ERICH5: variants seen among roughly 807,000 people sequenced by gnomAD.
The protein encoded by ERICH5 is glutamate-rich protein 5.
Under a neutral mutation model 28.0 loss-of-function variants are expected in ERICH5, and 24 were observed. That is an observed-to-expected ratio of 0.86 (90% confidence interval 0.62 to 1.21). The LOEUF (loss-of-function observed/expected upper bound fraction) is 1.21, where lower values mean the gene tolerates loss of function less well. Ranked by LOEUF, ERICH5 falls within the 50% of genes most tolerant of loss-of-function variation. ERICH5 has a pLI of 0.00. For missense variants in ERICH5, 421 were observed against 441.2 expected, an observed-to-expected ratio of 0.95 and a Z score of 0.41; for synonymous variants, 163 against 157.6, an observed-to-expected ratio of 1.03 and a Z score of -0.25.
intron 1 of ERICH5, among the ~76,000 whole-genome samples, chr8:98,070,678 A>AG (rs1301310727): frequency 1.4e-5 from 2 of 142,898 alleles, no homozygotes; most frequent in East Asian, 2.0e-4. Context: ...AAAAAAAAAA[A>AG]AAAAGAAAAG....
rs1412455600 is a variant in ERICH5 at position 98,092,026 on chromosome 8, T to TTCCTTCCTTCCTTCCTTCCTTCCTTC, written c.1013-1195_1013-1194insTCCTTCCTTCCTTCCTTCCTTCCTTC. ...TCCTTCCTTCCTTCCTTCCTTCCTTTCGAGACAAGATCTTCAAGCTGGAGT... is the reference window on the plus strand; with the variant it reads ...TCCTTCCTTCCTTCCTTCCTTCCTTTTCCTTCCTTCCTTCCTTCCTTCCTTCCGAGACAAGATCTTCAAGCTGGAGT... On this transcript the variant is annotated intron_variant, in intron 2 of 2. Coordinates refer to ENST00000318528, the MANE Select transcript of ERICH5 (RefSeq NM_173549.3). Among the ~76,000 whole-genome samples the TTCCTTCCTTCCTTCCTTCCTTCCTTC allele has an allele frequency of 7.0e-3, 65 of 9,270 alleles. 2 individuals are homozygous for TTCCTTCCTTCCTTCCTTCCTTCCTTC. Among genetic ancestry groups the TTCCTTCCTTCCTTCCTTCCTTCCTTC allele is most frequent in the Non-Finnish European group, 0.013 (49 of 3,704 alleles). 6.1% of individuals were successfully genotyped at this position (9,270 alleles called of 152,430 possible). A position where few individuals can be genotyped will look rare whatever the true frequency, so the allele number is the denominator to read the frequency against.
chr8:98,069,173 C>A lies in ERICH5; in HGVS notation c.58+4446C>A, dbSNP rs927890609. The stretch of plus-strand genomic sequence containing the variant: ...TGTGTGCCTTGTGTCATTTCTGGAG[C>A]CTGGCACTTAAATAGCATTTGGTAT... On this transcript the variant is annotated intron_variant, in intron 1 of 2. Transcript: ENST00000318528. Among the ~76,000 whole-genome samples, 6 of 151,988 alleles carry A rather than the reference C, an allele frequency of 3.9e-5. No homozygotes were observed. The East Asian group carries it at 7.7e-4, about 19-fold the overall frequency.
intron 1 of ERICH5, among the ~76,000 whole-genome samples, chr8:98,080,966 G>A (rs747272579): frequency 6.6e-6 from 1 of 152,064 alleles, no homozygotes; most frequent in Non-Finnish European, 1.5e-5. Flanking sequence ...GCCTCCCAAA[G>A]TGCTGGGATT....
intron 1 of ERICH5, among the ~76,000 whole-genome samples, chr8:98,082,491 C>CAA (rs574154611): frequency 7.8e-4 from 119 of 152,014 alleles, no homozygotes; most frequent in Non-Finnish European, 1.3e-3. Context: ...CCTAAAAATA[C>CAA]AAAATTAGCC....
Position 98,070,767 on chromosome 8 carries a change from T to G in ERICH5, c.58+6040T>G, listed in dbSNP as rs375192322. Among the ~76,000 whole-genome samples, 20 of 143,490 alleles carry G rather than the reference T, an allele frequency of 1.4e-4. 1 individual carries two copies. The highest frequency in any genetic ancestry group is 1.2e-3 in the East Asian group (6 of 4,866). The allele number at this position is 143,490 out of a possible 152,430, so 94.1% of individuals were successfully genotyped here. On this transcript the variant is annotated intron_variant, in intron 1 of 2. Coordinates refer to ENST00000318528, the MANE Select transcript of ERICH5 (RefSeq NM_173549.3). ...TTGAGTAGATGGATGGGTGAATGGG[T>G]GATTGACAGAGACGGGGATTCAGGG...
At chr8:98,091,413 G>A (rs977325008) in intron 2 of ERICH5, among the ~76,000 whole-genome samples, 1 of 152,196 alleles carries the variant, frequency 6.6e-6, no homozygotes, top group Non-Finnish European at 1.5e-5. Context: ...CTAAGAATGT[G>A]TAAGAAGGGC....
Position 98,089,394 on chromosome 8 carries a change from C to G in ERICH5, c.377C>G (p.Ala126Gly), listed in dbSNP as rs1202204705. Reference sequence around the variant, plus strand: ...CCAGGTGGCAAAGAGGATGCCCCAGCAGCAGAAGGAAAGAAGAAAGATGCA... The same window carrying G: ...CCAGGTGGCAAAGAGGATGCCCCAGGAGCAGAAGGAAAGAAGAAAGATGCA... Reference protein sequence around the residue: ...PQPGGKEDAPAAEGKKKDAGA... With the variant: ...PQPGGKEDAPGAEGKKKDAGA... Residue 126 changes from alanine to glycine, a missense_variant, in exon 2 of 3, where the codon GCA (alanine) becomes GGA (glycine). Coordinates refer to ENST00000318528, the MANE Select transcript of ERICH5 (RefSeq NM_173549.3). The G allele has an allele frequency of 1.2e-6, 2 of 1,614,106 alleles. No individual in the cohort carries two copies. Among genetic ancestry groups the G allele is most frequent in the African/African-American group, 1.3e-5 (1 of 74,942 alleles).
chr8:98,092,775 TC>T, intron 2 of ERICH5, among the ~76,000 whole-genome samples: 2 of 151,122 alleles, frequency 1.3e-5, no homozygotes, highest in Admixed American at 1.3e-4. Context: ...ACTTTTCTTT[TC>T]CTTTTTTTTT....
intron 1 of ERICH5, among the ~76,000 whole-genome samples, chr8:98,077,653 C>T (rs1270500600): frequency 6.6e-6 from 1 of 152,240 alleles, no homozygotes; most frequent in Non-Finnish European, 1.5e-5. Context: ...CAGGCGTCCA[C>T]ATCTCCATGT....
intron 1 of ERICH5, among the ~76,000 whole-genome samples, chr8:98,088,613 T>C (rs976827413): frequency 2.0e-5 from 3 of 152,156 alleles, no homozygotes; most frequent in Non-Finnish European, 4.4e-5. Context: ...AAGTAAGACC[T>C]CTCTAGCAGC....
chr8:98,085,543 G>A (rs1406872943), intron 1 of ERICH5, among the ~76,000 whole-genome samples: 1 of 147,948 alleles, frequency 6.8e-6, no homozygotes, highest in Admixed American at 7.0e-5. Context: ...AAATAAAGAT[G>A]CTATGAACAT....
chr8:98,093,264 A>C lies in ERICH5; in HGVS notation c.1056A>C (p.Lys352Asn), dbSNP rs1294432749. 3 of 1,614,036 alleles carry C rather than the reference A, an allele frequency of 1.9e-6. No individual in the cohort carries two copies. Among genetic ancestry groups the C allele is most frequent in the Non-Finnish European group, 2.5e-6 (3 of 1,179,948 alleles). ...EKVETDMENE[K>N]VSEGAETKEE... is the part of the protein sequence containing the mutation. The stretch of plus-strand genomic sequence containing the variant: ...TGGAAACAGACATGGAGAATGAGAA[A>C]GTGAGTGAAGGGGCTGAAACCAAAG... Residue 352 changes from lysine to asparagine, a missense_variant, in exon 3 of 3, where the codon AAA becomes AAC. Transcript: ENST00000318528.
chr8:98,081,243 C>G (rs563273636), intron 1 of ERICH5, among the ~76,000 whole-genome samples: 2 of 151,906 alleles, frequency 1.3e-5, no homozygotes, highest in East Asian at 3.9e-4. Context: ...GTAGCTGGAA[C>G]TACAGGCCTG....
intron 1 of ERICH5, among the ~76,000 whole-genome samples, chr8:98,074,850 A>G (rs1815020189): frequency 2.0e-5 from 3 of 152,172 alleles, no homozygotes; most frequent in Admixed American, 2.0e-4. Flanking sequence ...TCCATGCTTT[A>G]GTCAGATGTT....
intron 2 of ERICH5, 51 bp downstream of exon 2, chr8:98,090,080 C>A: frequency 7.2e-7 from 1 of 1,380,322 alleles, no homozygotes; most frequent in Non-Finnish European, 1.0e-6. Context: ...CCATAGGAGA[C>A]CAGCTCTGGG....
At chr8:98,090,730 A>G (rs1040024467) in intron 2 of ERICH5, among the ~76,000 whole-genome samples, 1 of 152,286 alleles carries the variant, frequency 6.6e-6, no homozygotes, top group Non-Finnish European at 1.5e-5. Context: ...ATGGTGTTTT[A>G]AAATTTTAAC....
Position 98,089,854 on chromosome 8 carries a change from G to A in ERICH5, c.837G>A (p.Lys279=). 6.2e-7 allele frequency: 1 copy of A among 1,614,190 alleles called. No homozygotes were observed. The highest frequency in any genetic ancestry group is 8.5e-7 in the Non-Finnish European group (1 of 1,180,038). Residue 279 remains lysine, a synonymous_variant, in exon 2 of 3, where the codon AAG becomes AAA. Coordinates refer to ENST00000318528, the MANE Select transcript of ERICH5 (RefSeq NM_173549.3). ...TGGACAGAAGTCAGCTTGTGGAAAA[G>A]CCTGTTATGAATGATCCATTCCATA... ...EVLDRSQLVE[K]PVMNDPFHKT... is the part of the protein sequence containing the mutation.
At chr8:98,065,642 A>G (rs1303290689) in intron 1 of ERICH5, among the ~76,000 whole-genome samples, 3 of 152,248 alleles carry the variant, frequency 2.0e-5, no homozygotes, top group African/African-American at 7.2e-5. Context: ...TACATGAATT[A>G]GAGAATGACA....
In ERICH5 at chr8:98,089,194, T is replaced by TC; in HGVS notation, c.179dup (p.Pro61SerfsTer14). 1.3e-5 allele frequency: 21 copies of TC among 1,614,042 alleles called. No homozygotes were observed. The highest frequency in any genetic ancestry group is 1.7e-5 in the Non-Finnish European group (20 of 1,179,984). On this transcript the variant is annotated frameshift_variant, in exon 2 of 3. Coordinates refer to ENST00000318528, the MANE Select transcript of ERICH5 (RefSeq NM_173549.3). LOFTEE classifies it high-confidence loss of function. ...ATGGCAATGTACAAAGGGAAAGCCG[T>TC]CCTCCCTTACAAAAGCTCAAGGTTT...
Sources: gnomAD v4.1 joint callset for allele counts (sites outside exome capture counted in the v4.1 genomes callset) on GRCh38, gnomAD v4.1.1 for gene constraint, MANE v1.5 for transcripts, NCBI Gene and HGNC (gene_info 2026-07-23, HGNC 2026-07-21) for gene names.